The following PEX5L variants were observed in gnomAD, a reference collection of about 807,000 sequenced individuals.
PEX5L encodes PEX5-related protein.
PEX5L carries 30 observed loss-of-function variants against 84.0 expected under a neutral mutation model. That is an observed-to-expected ratio of 0.36 (90% CI 0.27 to 0.48). PEX5L has a LOEUF of 0.48. PEX5L is among the 20% of genes least tolerant of loss of function. PEX5L has a pLI of 0.99. For synonymous variants in PEX5L, 270 were observed against 283.1 expected (o/e 0.95, Z 0.46); for missense variants, 533 against 754.6 (o/e 0.71, Z 3.44).
At chr3:179,876,573 A>G (rs1752481506) in intron 5 of PEX5L, among the ~76,000 whole-genome samples, 1 of 152,160 alleles carries the variant, frequency 6.6e-6, no homozygotes, top group South Asian at 2.1e-4. Context: ...ACTGTGGTAA[A>G]AAATACATAA....
chr3:179,874,408 T>G lies in PEX5L; in HGVS notation c.645A>C (p.Arg215Ser), dbSNP rs1297125897. Residue 215 changes from arginine to serine, a missense_variant, in exon 7 of 15, where the codon AGA becomes AGC. By Grantham distance (110) the Arg-to-Ser change is moderately radical. Transcript: ENST00000467460. Reference protein sequence around the residue: ...SKELLWSSEHRSQPELSGGKS... With the variant: ...SKELLWSSEHSSQPELSGGKS... ...TTCCACCACTCAGTTCTGGTTGAGA[T>G]CTGTGTTCTGAGGACCTATAAGGGA... The G allele has an allele frequency of 6.2e-7, 1 of 1,607,732 alleles. No homozygotes were observed. The highest frequency in any genetic ancestry group is 8.5e-7 in the Non-Finnish European group (1 of 1,174,874).
chr3:179,841,737 T>C (rs1305246477), intron 8 of PEX5L, among the ~76,000 whole-genome samples: 2 of 152,210 alleles, frequency 1.3e-5, no homozygotes, highest in Non-Finnish European at 2.9e-5. Flanking sequence ...TATGAACAGG[T>C]TACTGCCTTG....
rs192041485 is a variant in PEX5L, at chr3:179,795,758, A to G, written c.*6070T>C. ...ATCACAGAAGAATTGTCTCAAAACA[A>G]CATTTTTAGATTAGATTAGAGATGC... On this transcript the variant is annotated 3_prime_UTR_variant, in exon 15 of 15. Transcript: ENST00000467460. 4.0e-4 allele frequency: 61 copies of G among 152,340 alleles called. 2 individuals carry two copies. Among genetic ancestry groups the G allele is most frequent in the African/African-American group, 1.4e-3 (57 of 41,584 alleles). 9.4% of individuals were successfully genotyped at this position (152,340 alleles called of 1,614,324 possible).
chr3:179,944,684 T>C (rs1475178997), intron 2 of PEX5L, among the ~76,000 whole-genome samples: 1 of 152,230 alleles, frequency 6.6e-6, no homozygotes. Flanking sequence ...CTGGTAAATC[T>C]TGTAAGATTC....
chr3:179,879,199 G>A (rs187378993), intron 5 of PEX5L, among the ~76,000 whole-genome samples: 3 of 152,310 alleles, frequency 2.0e-5, no homozygotes, highest in Non-Finnish European at 4.4e-5. Flanking sequence ...ACCTGTCACT[G>A]TTCTTTCTCT....
chr3:179,982,821 A>AT (rs1274096856), intron 1 of PEX5L, among the ~76,000 whole-genome samples: 3 of 152,104 alleles, frequency 2.0e-5, no homozygotes, highest in Non-Finnish European at 4.4e-5. Context: ...TTAAGGAGAG[A>AT]TGAAGCAAGG....
intron 3 of PEX5L, among the ~76,000 whole-genome samples, chr3:179,893,226 A>G (rs1351873722): frequency 6.6e-6 from 1 of 152,138 alleles, no homozygotes; most frequent in African/African-American, 2.4e-5. Flanking sequence ...ATATCAATAC[A>G]GTGTTTTCTT....
At chr3:179,893,029 A>C (rs532736210) in intron 3 of PEX5L, among the ~76,000 whole-genome samples, 1 of 152,282 alleles carries the variant, frequency 6.6e-6, no homozygotes, top group Non-Finnish European at 1.5e-5. Context: ...TTTGTTTAGA[A>C]GTAAGAAGAT....
intron 4 of PEX5L, chr3:179,881,159 C>A (rs1754039420): frequency 6.6e-6 from 1 of 152,368 alleles, no homozygotes; most frequent in African/African-American, 2.4e-5. Flanking sequence ...CCTCTTTAAT[C>A]TCCAAGCTTT....
At chr3:179,919,252 G>A (rs1183270875) in intron 2 of PEX5L, among the ~76,000 whole-genome samples, 1 of 152,202 alleles carries the variant, frequency 6.6e-6, no homozygotes, top group Non-Finnish European at 1.5e-5. Flanking sequence ...AAGTTAAAGT[G>A]GCAGTGGTGA....
At chr3:180,016,653 C>G (rs1789974773) in intron 1 of PEX5L, among the ~76,000 whole-genome samples, 1 of 152,194 alleles carries the variant, frequency 6.6e-6, no homozygotes, top group Non-Finnish European at 1.5e-5. Context: ...CTGACCTTGA[C>G]CTTCACCCAT....
In PEX5L at chr3:179,971,681, T is replaced by C. The variant is rs745761351; in HGVS notation, c.22-16A>G. On this transcript the variant is annotated splice_polypyrimidine_tract_variant and intron_variant, in intron 1 of 14. Coordinates refer to ENST00000467460, the MANE Select transcript of PEX5L (RefSeq NM_016559.3). ...CTTTACTTTTCTTGTGAAAGAATAATTTTAAATGATCATTTAGTTTCTATC... is the reference window on the plus strand; with the variant it reads ...CTTTACTTTTCTTGTGAAAGAATAACTTTAAATGATCATTTAGTTTCTATC... 1 of 1,584,468 alleles carries C rather than the reference T, an allele frequency of 6.3e-7. No homozygotes were observed. The highest frequency in any genetic ancestry group is 8.6e-7 in the Non-Finnish European group (1 of 1,163,160).
At chr3:179,876,943 G>C (rs570173870) in intron 5 of PEX5L, among the ~76,000 whole-genome samples, 2 of 152,092 alleles carry the variant, frequency 1.3e-5, no homozygotes, top group African/African-American at 4.8e-5. Context: ...TTGGGGCTGG[G>C]ACTCAAATTT....
At chr3:179,847,546 G>A (rs183192554) in intron 8 of PEX5L, among the ~76,000 whole-genome samples, 8 of 152,280 alleles carry the variant, frequency 5.3e-5, no homozygotes, top group African/African-American at 1.7e-4. Flanking sequence ...AATTCAAGAT[G>A]TCTCTTTGCC....
At chr3:179,977,352 T>A (rs1033011327) in intron 1 of PEX5L, among the ~76,000 whole-genome samples, 2 of 152,204 alleles carry the variant, frequency 1.3e-5, no homozygotes, top group Non-Finnish European at 2.9e-5. Flanking sequence ...ATGTTGCAGT[T>A]TTTACTTGCG....
intron 1 of PEX5L, among the ~76,000 whole-genome samples, 198 bp downstream of exon 1, chr3:180,036,381 G>A (rs1791909394): frequency 6.6e-6 from 1 of 152,126 alleles, no homozygotes; most frequent in South Asian, 2.1e-4. Flanking sequence ...AAGTTCTGAG[G>A]TCTTCCCTCC....
chr3:179,935,901 CTT>C (rs1458205146), intron 2 of PEX5L, among the ~76,000 whole-genome samples: 1 of 152,162 alleles, frequency 6.6e-6, no homozygotes, highest in Non-Finnish European at 1.5e-5. Flanking sequence ...CATTTTGGCT[CTT>C]TCTTTTTTTG....
chr3:179,894,005 A>T (rs1174297595), intron 3 of PEX5L, among the ~76,000 whole-genome samples: 2 of 151,530 alleles, frequency 1.3e-5, no homozygotes, highest in Non-Finnish European at 2.9e-5. Flanking sequence ...CTCAAGTGAT[A>T]CTCCCATATT....
intron 2 of PEX5L, among the ~76,000 whole-genome samples, chr3:179,942,966 T>C (rs1448602782): frequency 6.6e-6 from 1 of 152,240 alleles, no homozygotes; most frequent in Non-Finnish European, 1.5e-5. Flanking sequence ...AATGCAGTAA[T>C]GTCCTCTGAA....
Sources: gnomAD v4.1 joint callset for allele counts (sites outside exome capture counted in the v4.1 genomes callset) on GRCh38, gnomAD v4.1.1 for gene constraint, MANE v1.5 for transcripts, NCBI Gene and HGNC (gene_info 2026-07-23, HGNC 2026-07-21) for gene names.